Variants in SRGAP2B observed in about 807,000 individuals in gnomAD.
SRGAP2B encodes SLIT-ROBO Rho GTPase-activating protein 2B.
A neutral mutation model predicts 22.2 loss-of-function variants in SRGAP2B; 9 were observed. That is an observed-to-expected ratio of 0.41 (90% CI 0.24 to 0.71). The LOEUF (loss-of-function observed/expected upper bound fraction) is 0.71. Among genes scored for constraint, SRGAP2B ranks in the 30% least tolerant of loss-of-function variants. The pLI, the probability that SRGAP2B is intolerant of heterozygous loss-of-function variation, is 0.35. For missense variants in SRGAP2B, 114 were observed against 235.8 expected, an observed-to-expected ratio of 0.48 and a Z score of 3.38; for synonymous variants, 36 against 87.4, an observed-to-expected ratio of 0.41 and a Z score of 3.28.
Position 145,013,783 on chromosome 1 carries a change from C to T in SRGAP2B, c.68-18583G>A, listed in dbSNP as rs4844814. On this transcript the variant is annotated intron_variant, in intron 2 of 9. Transcript: ENST00000612199. ...TTTAAAAAATCAACAACCTTATTGT[C>T]TTCCCAATTATCCCTTTATAATTGG... Among the ~76,000 whole-genome samples, 3 of 150,684 alleles carry T rather than the reference C, an allele frequency of 2.0e-5. No homozygotes were observed. The South Asian group carries it at 6.3e-4, about 32-fold the overall frequency.
At chr1:144,913,766 A>AG (rs1663592862) in intron 5 of SRGAP2B, among the ~76,000 whole-genome samples, 1 of 113,026 alleles carries the variant, frequency 8.8e-6, no homozygotes, top group African/African-American at 3.6e-5. Flanking sequence ...AAACAAAGGA[A>AG]GAAAAGAAAA....
chr1:145,030,721 AATATATAT>A (rs1161032950), intron 2 of SRGAP2B, among the ~76,000 whole-genome samples: 9 of 14,470 alleles, frequency 6.2e-4, no homozygotes, highest in African/African-American at 8.2e-4. Flanking sequence ...AAAAAAAAAA[AATATATAT>A]ATATATATAT....
chr1:144,990,830 G>A (rs2102125294), intron 3 of SRGAP2B, among the ~76,000 whole-genome samples: 1 of 151,564 alleles, frequency 6.6e-6, no homozygotes, highest in South Asian at 2.1e-4. Flanking sequence ...TCCCCCAGCA[G>A]TGCCGGCCCA....
chr1:144,951,274 C>G (rs1166008430), intron 4 of SRGAP2B, among the ~76,000 whole-genome samples: 1 of 144,492 alleles, frequency 6.9e-6, no homozygotes, highest in African/African-American at 2.7e-5. Context: ...TTTCTGGGCT[C>G]AAGTGATCCT....
At chr1:145,065,207 G>C (rs1388220458) in intron 2 of SRGAP2B, among the ~76,000 whole-genome samples, 1 of 152,054 alleles carries the variant, frequency 6.6e-6, no homozygotes, top group South Asian at 2.1e-4. Flanking sequence ...ATAAAACTTG[G>C]GGTTTGCTCA....
At chr1:144,990,767 C>A in intron 3 of SRGAP2B, among the ~76,000 whole-genome samples, 1 of 151,304 alleles carries the variant, frequency 6.6e-6, no homozygotes, top group Admixed American at 6.6e-5. Context: ...CTGCTGGCCC[C>A]GGGCAATGGG....
At chr1:144,990,586 G>A (rs1188185567) in intron 3 of SRGAP2B, among the ~76,000 whole-genome samples, 1 of 138,846 alleles carries the variant, frequency 7.2e-6, no homozygotes, top group Non-Finnish European at 1.5e-5. Flanking sequence ...TGCACTGTGG[G>A]AGCCCCTTTC....
chr1:144,984,225 C>A (rs1301698676), intron 3 of SRGAP2B, among the ~76,000 whole-genome samples: 2 of 150,086 alleles, frequency 1.3e-5, no homozygotes, highest in Admixed American at 1.3e-4. Context: ...GAGGCTGAGG[C>A]AAGAGAATAG....
At position 144,990,791 on chromosome 1, in the gene SRGAP2B, G is replaced by A. The variant is rs587765095; in HGVS notation, c.260+4217C>T. On this transcript the variant is annotated intron_variant, in intron 3 of 9. Transcript: ENST00000612199. ...CCGGGCAATGGGGGACTTAGCACCC[G>A]GGCCAGTGGCTGCGGAGGGTGTACT... 5.0e-4 allele frequency among the ~76,000 whole-genome samples: 75 copies of A among 151,418 alleles called. 6 individuals carry two copies. The highest frequency in any genetic ancestry group is 1.8e-3 in the African/African-American group (74 of 40,838).
intron 4 of SRGAP2B, among the ~76,000 whole-genome samples, chr1:144,935,819 CCA>C (rs1353654784): frequency 8.1e-6 from 1 of 123,876 alleles, no homozygotes; most frequent in Non-Finnish European, 1.6e-5. Flanking sequence ...ATATCAGGGG[CCA>C]CGTCAGCCAT....
chr1:144,910,258 C>A lies in SRGAP2B; in HGVS notation c.487-4184G>T. ...ATCTCTTCAAGGAGCCTGACTTCAT[C>A]CCTGTCCTCTGTGTAGACATGTAAA... On this transcript the variant is annotated intron_variant, in intron 5 of 9. Transcript: ENST00000612199. 2.7e-5 allele frequency among the ~76,000 whole-genome samples: 4 copies of A among 150,292 alleles called. No individual in the cohort carries two copies. In the South Asian group the frequency reaches 8.4e-4, roughly 31 times the overall value.
chr1:145,067,287 T>TA (rs782756643), intron 2 of SRGAP2B, among the ~76,000 whole-genome samples: 2,208 of 116,750 alleles, frequency 0.019, 53 homozygotes, highest in South Asian at 0.03. Context: ...AGACTCTGTC[T>TA]AAAAAAAAAA....
intron 3 of SRGAP2B, among the ~76,000 whole-genome samples, chr1:144,985,123 A>G (rs1570928303): frequency 7.8e-6 from 1 of 127,998 alleles, no homozygotes; most frequent in East Asian, 2.1e-4. Context: ...CTTACTACAT[A>G]TAGCCTTATG....
chr1:144,953,811 A>G (rs1474290908), intron 4 of SRGAP2B, among the ~76,000 whole-genome samples: 1 of 150,820 alleles, frequency 6.6e-6, no homozygotes, highest in Non-Finnish European at 1.5e-5. Context: ...AGTGAAGTCT[A>G]GCTAGGTGAA....
Position 144,992,394 on chromosome 1 carries a change from TGA to T in SRGAP2B, c.260+2612_260+2613del, listed in dbSNP as rs1484753581. ...ATTTGTAACAAATACGTCCATAAGCTGAGAATATGATACAGTACTAAAAATCA... is the reference window on the plus strand; with the variant it reads ...ATTTGTAACAAATACGTCCATAAGCTGAATATGATACAGTACTAAAAATCA... On this transcript the variant is annotated intron_variant, in intron 3 of 9. Coordinates refer to ENST00000612199, the Ensembl canonical transcript of SRGAP2B. 1.5e-4 allele frequency among the ~76,000 whole-genome samples: 22 copies of T among 151,080 alleles called. 2 individuals are homozygous for T. Among genetic ancestry groups the T allele is most frequent in the Admixed American group, 5.3e-4 (8 of 15,226 alleles).
chr1:144,993,894 C>T (rs1553617974), intron 3 of SRGAP2B, among the ~76,000 whole-genome samples: 1 of 150,434 alleles, frequency 6.6e-6, no homozygotes, highest in Non-Finnish European at 1.5e-5. Context: ...GGCCTGTGGG[C>T]TGCATGGGGG....
chr1:145,080,195 GGAA>G (rs1652799691), intron 2 of SRGAP2B, among the ~76,000 whole-genome samples: 1 of 149,268 alleles, frequency 6.7e-6, no homozygotes, highest in African/African-American at 2.5e-5. Flanking sequence ...TGAGCTTACT[GGAA>G]GTCCAAAGTT....
intron 5 of SRGAP2B, among the ~76,000 whole-genome samples, chr1:144,909,594 A>T (rs1171058669): frequency 1.3e-5 from 2 of 149,834 alleles, no homozygotes; most frequent in East Asian, 3.9e-4. Context: ...CTCAAAAAAA[A>T]AAAAAAGGAA....
At chr1:145,056,911 G>A (rs1650450174) in intron 2 of SRGAP2B, among the ~76,000 whole-genome samples, 2 of 135,806 alleles carry the variant, frequency 1.5e-5, no homozygotes, top group Non-Finnish European at 3.2e-5. Flanking sequence ...CGAGGGCAGA[G>A]ATTAGGCTGA....
Sources: gnomAD v4.1 joint callset for allele counts (sites outside exome capture counted in the v4.1 genomes callset) on GRCh38, gnomAD v4.1.1 for gene constraint, MANE v1.5 for transcripts, NCBI Gene and HGNC (gene_info 2026-07-23, HGNC 2026-07-21) for gene names.